FMN2: variants seen among roughly 807,000 people sequenced by gnomAD.
FMN2 encodes formin-2.
FMN2 carries 51 observed loss-of-function variants against 142.3 expected under a neutral mutation model. The observed-to-expected ratio is 0.36, with a 90% CI of 0.29 to 0.45. The LOEUF (loss-of-function observed/expected upper bound fraction) is 0.45. FMN2 is among the 20% of genes least tolerant of loss of function. FMN2 has a pLI of 1.00. For synonymous variants in FMN2, 882 were observed against 869.8 expected (o/e 1.01, Z -0.25); for missense variants, 1,936 against 2,122.8 (o/e 0.91, Z 1.73).
intron 15 of FMN2, among the ~76,000 whole-genome samples, chr1:240,399,346 C>T (rs1673894567): frequency 6.6e-6 from 1 of 151,748 alleles, no homozygotes; most frequent in Non-Finnish European, 1.5e-5. Context: ...CTGGAAAAAA[C>T]AATATAAAAC....
chr1:240,294,741 C>G (rs1410656388), intron 7 of FMN2, 81 bp from the exon 8 acceptor site: 3 of 1,288,278 alleles, frequency 2.3e-6, no homozygotes, highest in Middle Eastern at 2.0e-4. Context: ...GCTGCTGAGC[C>G]GTGAGCCTGC....
intron 3 of FMN2, among the ~76,000 whole-genome samples, chr1:240,186,489 G>A (rs1172783500): frequency 1.3e-5 from 2 of 152,206 alleles, no homozygotes; most frequent in Non-Finnish European, 2.9e-5. Flanking sequence ...TGGAGTATAT[G>A]GTGTGATGAT....
chr1:240,217,486 T>A (rs183754477), intron 6 of FMN2, among the ~76,000 whole-genome samples: 37 of 152,326 alleles, frequency 2.4e-4, no homozygotes, highest in African/African-American at 8.4e-4. Context: ...GTTTTGGGGA[T>A]ACATAATAAA....
At chr1:240,266,092 A>G (rs1668791753) in intron 7 of FMN2, among the ~76,000 whole-genome samples, 1 of 149,142 alleles carries the variant, frequency 6.7e-6, no homozygotes, top group Admixed American at 6.8e-5. Context: ...TTATCTGGGT[A>G]TATTGCATGA....
chr1:240,372,022 G>A (rs1461694584), intron 14 of FMN2, among the ~76,000 whole-genome samples: 2 of 152,072 alleles, frequency 1.3e-5, no homozygotes, highest in Non-Finnish European at 2.9e-5. Context: ...GATCACCTGA[G>A]GTCAGGAGTT....
At chr1:240,126,991 A>T (rs1190250816) in intron 2 of FMN2, among the ~76,000 whole-genome samples, 1 of 152,182 alleles carries the variant, frequency 6.6e-6, no homozygotes, top group African/African-American at 2.4e-5. Flanking sequence ...GGCAGCTCCC[A>T]GGGCAAGTCC....
intron 8 of FMN2, among the ~76,000 whole-genome samples, chr1:240,315,493 TG>T (rs1291399451): frequency 6.6e-6 from 1 of 152,230 alleles, no homozygotes; most frequent in Non-Finnish European, 1.5e-5. Context: ...TTTTCTTCAC[TG>T]AACTTATTTA....
chr1:240,290,780 G>GTTTTTTT (rs869026471), intron 7 of FMN2, among the ~76,000 whole-genome samples: 32 of 100,206 alleles, frequency 3.2e-4, no homozygotes, highest in African/African-American at 6.9e-4. Context: ...TGTTTGTTTG[G>GTTTTTTT]TTTTTTTTTT....
intron 16 of FMN2, among the ~76,000 whole-genome samples, chr1:240,468,363 A>G (rs772475642): frequency 2.9e-5 from 4 of 137,686 alleles, no homozygotes; most frequent in African/African-American, 8.8e-5. Context: ...TTCATGAATC[A>G]TGCACAGAGC....
At chr1:240,177,739 G>GT (rs1553337033) in intron 2 of FMN2, 182 bp from the exon 3 acceptor site, 1 of 403,194 alleles carries the variant, frequency 2.5e-6, no homozygotes, top group Non-Finnish European at 4.0e-6. Flanking sequence ...AAATGACTGC[G>GT]TGAAAAAAAT....
chr1:240,092,435 A>C lies in FMN2; in HGVS notation c.326A>C (p.Asp109Ala). Residue 109 changes from aspartate (D) to alanine (A), a missense_variant, in exon 1 of 18, where the codon GAC becomes GCC. By Grantham distance (126) the Asp-to-Ala change is moderately radical. Coordinates refer to ENST00000319653, the MANE Select transcript of FMN2 (RefSeq NM_020066.5). ...DSQALQTGEL[D>A]SAHSLLTKTP... ...CAGGCCCTGCAGACCGGGGAGCTGGACAGCGCTCACTCCCTGCTCACCAAG... is the reference window on the plus strand; with the variant it reads ...CAGGCCCTGCAGACCGGGGAGCTGGCCAGCGCTCACTCCCTGCTCACCAAG... 2 of 1,611,212 alleles carry C rather than the reference A, an allele frequency of 1.2e-6. No homozygotes were observed. The highest frequency in any genetic ancestry group is 1.7e-6 in the Non-Finnish European group (2 of 1,178,974).
intron 2 of FMN2, among the ~76,000 whole-genome samples, chr1:240,155,793 T>G (rs183415583): frequency 6.6e-6 from 1 of 152,202 alleles, no homozygotes; most frequent in East Asian, 1.9e-4. Context: ...GCTCTTAATT[T>G]TTGATGAGCA....
rs74784382 is a variant in FMN2 at position 240,188,214 on chromosome 1, A to G, written c.1938A>G (p.Gln646=). Residue 646 remains glutamine, a synonymous_variant, in exon 4 of 18, where the codon CAA becomes CAG. Coordinates refer to ENST00000319653, the MANE Select transcript of FMN2 (RefSeq NM_020066.5). ...GCTTCCTTTCCAATCTAGAATCTCA[A>G]TCTGCTGTTTCAGAAACTCCCCAAA... ...HRLEDAETES[Q]SAVSETPQKR... The G allele has an allele frequency of 6.0e-3, 9,727 of 1,613,696 alleles. 542 individuals are homozygous for G. The African/African-American group carries it at 0.11, about 19-fold the overall frequency.
intron 2 of FMN2, 113 bp from the exon 3 acceptor site, chr1:240,177,808 T>A (rs1045954619): frequency 1.2e-6 from 1 of 848,154 alleles, no homozygotes; most frequent in African/African-American, 1.7e-5. Flanking sequence ...GTTTCATATA[T>A]GTATGCATAT....
chr1:240,268,004 G>A (rs1044381179), intron 7 of FMN2, among the ~76,000 whole-genome samples: 13 of 151,954 alleles, frequency 8.6e-5, no homozygotes, highest in African/African-American at 2.4e-4. Context: ...TAGCGAGGCT[G>A]TGAGAAGAGG....
At chr1:240,112,607 C>T (rs1661858198) in intron 1 of FMN2, among the ~76,000 whole-genome samples, 1 of 152,210 alleles carries the variant, frequency 6.6e-6, no homozygotes. Flanking sequence ...TTCTCAGAAA[C>T]TAGCATTTAT....
chr1:240,419,767 A>G (rs1314680973), intron 15 of FMN2, among the ~76,000 whole-genome samples: 1 of 152,124 alleles, frequency 6.6e-6, no homozygotes, highest in African/African-American at 2.4e-5. Context: ...CAGGGATGCA[A>G]TTCCTTTGGT....
intron 14 of FMN2, among the ~76,000 whole-genome samples, chr1:240,361,139 GTGTATATATA>G (rs1331583777): frequency 6.3e-4 from 6 of 9,546 alleles, no homozygotes; most frequent in Non-Finnish European, 1.0e-3. Context: ...ATAAATATAT[GTGTATATATA>G]TATATATATA....
At chr1:240,433,269 T>C (rs531384834) in intron 15 of FMN2, among the ~76,000 whole-genome samples, 12 of 152,312 alleles carry the variant, frequency 7.9e-5, no homozygotes, top group African/African-American at 2.9e-4. Flanking sequence ...CAGGCCAACT[T>C]TGCTATGGTT....
Sources: allele counts gnomAD v4.1 joint callset (sites outside exome capture counted in the v4.1 genomes callset), GRCh38; gene constraint gnomAD v4.1.1; transcripts MANE v1.5; gene names NCBI Gene and HGNC (gene_info 2026-07-23, HGNC 2026-07-21).